The following UGT1A8 variants were observed in gnomAD, a reference collection of about 807,000 sequenced individuals.
The protein encoded by UGT1A8 is UDP-glucuronosyltransferase 1A8.
A neutral mutation model predicts 45.3 loss-of-function variants in UGT1A8; 39 were observed. That is an observed-to-expected ratio of 0.86 (90% CI 0.67 to 1.12). UGT1A8 has a LOEUF of 1.12. UGT1A8 is among the 50% of genes most tolerant of loss of function. UGT1A8 has a pLI of 0.00. For synonymous variants in UGT1A8, 275 were observed against 249.2 expected (o/e 1.10, Z -0.97); for missense variants, 719 against 664.9 (o/e 1.08, Z -0.90).
At chr2:233,644,500 G>A (rs1025970525) in intron 1 of UGT1A8, among the ~76,000 whole-genome samples, 17 of 152,136 alleles carry the variant, frequency 1.1e-4, no homozygotes, top group Non-Finnish European at 2.2e-4. Context: ...GGCAGAGGCT[G>A]CAGTGAGCCA....
At chr2:233,691,991 T>C (rs573865002) in intron 1 of UGT1A8, 20 of 152,334 alleles carry the variant, frequency 1.3e-4, no homozygotes, top group Admixed American at 1.2e-3. Flanking sequence ...TAAGTTTATG[T>C]AAAGGAGATG....
rs1191731023 is a variant in UGT1A8, at chr2:233,773,247, T to C, written c.*688T>C. ...ATGAAGTGCTGGGCAAGTTTACTTTTTTTCTGATGTTTCCTACAACTAAAA... is the reference window on the plus strand; with the variant it reads ...ATGAAGTGCTGGGCAAGTTTACTTTCTTTCTGATGTTTCCTACAACTAAAA... On this transcript the variant is annotated 3_prime_UTR_variant, in exon 5 of 5. Coordinates refer to ENST00000373450, the MANE Select transcript of UGT1A8 (RefSeq NM_019076.5). The C allele has an allele frequency of 6.6e-6, 1 of 152,354 alleles. No homozygotes were observed. Among genetic ancestry groups the C allele is most frequent in the Admixed American group, 6.5e-5 (1 of 15,284 alleles). 9.4% of individuals were successfully genotyped at this position (152,354 alleles called of 1,614,324 possible).
At chr2:233,673,563 A>G (rs569309785) in intron 1 of UGT1A8, among the ~76,000 whole-genome samples, 2 of 152,034 alleles carry the variant, frequency 1.3e-5, no homozygotes, top group East Asian at 3.9e-4. Flanking sequence ...TTTTTTTGCT[A>G]TTGTGTCTTC....
chr2:233,721,741 A>C, intron 1 of UGT1A8: 1 of 434,764 alleles, frequency 2.3e-6, no homozygotes, highest in Non-Finnish European at 4.6e-6. Context: ...CTTAATGATG[A>C]GAGAATCTAC....
At chr2:233,693,139 A>T (rs887728355) in intron 1 of UGT1A8, 1 of 1,614,190 alleles carries the variant, frequency 6.2e-7, no homozygotes, top group African/African-American at 1.3e-5. Context: ...TGAAGGATAT[A>T]GTTGAGGTTC....
chr2:233,742,382 T>C (rs1691962910), intron 1 of UGT1A8, among the ~76,000 whole-genome samples: 1 of 152,014 alleles, frequency 6.6e-6, no homozygotes, highest in Admixed American at 6.5e-5. Flanking sequence ...AAGGCACAGA[T>C]GGCTCATGTT....
Position 233,672,522 on chromosome 2 carries a change from G to T in UGT1A8, c.855+53960G>T, listed in dbSNP as rs151216459. The stretch of plus-strand genomic sequence containing the variant: ...CCTATGTCCCCAGAATTCTCTTAGG[G>T]TTCTCAGATGCCATGACTTTCAAGG... On this transcript the variant is annotated intron_variant, in intron 1 of 4. Coordinates refer to ENST00000373450, the MANE Select transcript of UGT1A8 (RefSeq NM_019076.5). 1,670 of 1,613,876 alleles carry T rather than the reference G, an allele frequency of 1.0e-3. 24 individuals are homozygous for T. In the East Asian group the frequency reaches 0.023, roughly 22 times the overall value.
At chr2:233,702,448 T>G (rs17863787) in intron 1 of UGT1A8, among the ~76,000 whole-genome samples, 44,666 of 152,028 alleles carry the variant, frequency 0.29, 6,753 homozygotes, top group South Asian at 0.36. Flanking sequence ...AGGATAACAT[T>G]TATTTCTTTT....
intron 1 of UGT1A8, among the ~76,000 whole-genome samples, chr2:233,645,462 A>G (rs1319668650): frequency 6.6e-6 from 1 of 152,220 alleles, no homozygotes; most frequent in Non-Finnish European, 1.5e-5. Context: ...CTCATCTGAG[A>G]CAAGGCAAGT....
intron 1 of UGT1A8, among the ~76,000 whole-genome samples, chr2:233,749,534 G>A (rs1161512462): frequency 6.6e-6 from 1 of 151,852 alleles, no homozygotes; most frequent in Non-Finnish European, 1.5e-5. Flanking sequence ...ATTTTCGAGT[G>A]TGGTAAAGAA....
At chr2:233,660,532 G>A (rs1020358722) in intron 1 of UGT1A8, among the ~76,000 whole-genome samples, 3 of 152,162 alleles carry the variant, frequency 2.0e-5, no homozygotes, top group African/African-American at 7.2e-5. Context: ...TGTTTCTGTT[G>A]TACTGGCCTT....
chr2:233,742,223 A>G (rs1691912162), intron 1 of UGT1A8, among the ~76,000 whole-genome samples: 1 of 151,938 alleles, frequency 6.6e-6, no homozygotes, highest in South Asian at 2.1e-4. Flanking sequence ...CAGGGCTGAG[A>G]GCCCCAAACA....
At chr2:233,741,065 C>T (rs978483126) in intron 1 of UGT1A8, among the ~76,000 whole-genome samples, 7 of 151,774 alleles carry the variant, frequency 4.6e-5, no homozygotes, top group African/African-American at 7.3e-5. Context: ...AGCTACAGAG[C>T]GAGACCCTGT....
intron 1 of UGT1A8, chr2:233,754,765 T>C (rs1277866100): frequency 2.0e-6 from 2 of 992,196 alleles, no homozygotes; most frequent in African/African-American, 1.7e-5. Context: ...AGGCCCCCAC[T>C]TCCCAGGGAG....
intron 1 of UGT1A8, among the ~76,000 whole-genome samples, chr2:233,677,428 T>C (rs2074390238): frequency 6.6e-6 from 1 of 152,216 alleles, no homozygotes; most frequent in Non-Finnish European, 1.5e-5. Flanking sequence ...TAACTACTAA[T>C]AGCCAACTGT....
Position 233,672,618 on chromosome 2 carries a change from A to G in UGT1A8, c.855+54056A>G, listed in dbSNP as rs146422336. Reference sequence around the variant, plus strand: ...GCCACCGTTTTTTCAAAAATGCCCTAGAAATAGCCTCTGAAATTCTCCAAA... The same window carrying G: ...GCCACCGTTTTTTCAAAAATGCCCTGGAAATAGCCTCTGAAATTCTCCAAA... On this transcript the variant is annotated intron_variant, in intron 1 of 4. Coordinates refer to ENST00000373450, the MANE Select transcript of UGT1A8 (RefSeq NM_019076.5). The G allele has an allele frequency of 1.5e-5, 24 of 1,613,918 alleles. No homozygotes were observed. In the African/African-American group the frequency reaches 2.8e-4, roughly 19 times the overall value.
intron 1 of UGT1A8, among the ~76,000 whole-genome samples, chr2:233,622,475 T>C (rs1195645177): frequency 6.6e-6 from 1 of 152,240 alleles, no homozygotes; most frequent in Non-Finnish European, 1.5e-5. Context: ...ATTTCTGTGA[T>C]GACCAGTGAT....
At chr2:233,660,348 T>C (rs549882234) in intron 1 of UGT1A8, among the ~76,000 whole-genome samples, 1 of 152,308 alleles carries the variant, frequency 6.6e-6, no homozygotes, top group South Asian at 2.1e-4. Context: ...TTAGAGATGA[T>C]GTTTGAGGAC....
chr2:233,647,779 CT>C, intron 1 of UGT1A8: 1 of 541,324 alleles, frequency 1.8e-6, no homozygotes, highest in Non-Finnish European at 3.0e-6. Context: ...GTCTTTTTTC[CT>C]AATCAGTCTG....
Sources: gnomAD v4.1 joint callset for allele counts (sites outside exome capture counted in the v4.1 genomes callset) on GRCh38, gnomAD v4.1.1 for gene constraint, MANE v1.5 for transcripts, NCBI Gene and HGNC (gene_info 2026-07-23, HGNC 2026-07-21) for gene names.